FBXL17: variants seen among roughly 807,000 people sequenced by gnomAD.
FBXL17 encodes the protein F-box and leucine rich repeat protein 17.
In FBXL17, 22 loss-of-function variants were observed where a neutral mutation model predicts 66.2. The observed-to-expected ratio is 0.33, with a 90% CI of 0.24 to 0.47. The LOEUF is 0.47. FBXL17 is among the 20% of genes least tolerant of loss of function. The probability of loss-of-function intolerance (pLI) is 1.00; values close to 1 mark genes in which losing one functional copy is unlikely to be tolerated. For missense variants in FBXL17, 878 were observed against 948.2 expected (o/e 0.93, Z 0.97); for synonymous variants, 474 against 400.5 (o/e 1.18, Z -2.19).
chr5:108,089,042 G>A (rs935356168), intron 6 of FBXL17, among the ~76,000 whole-genome samples: 1 of 152,134 alleles, frequency 6.6e-6, no homozygotes, highest in African/African-American at 2.4e-5. Context: ...ATAGTTTTAC[G>A]TAAAATCCCT....
chr5:108,061,437 C>T (rs1188756450), intron 6 of FBXL17, among the ~76,000 whole-genome samples: 1 of 152,102 alleles, frequency 6.6e-6, no homozygotes, highest in Non-Finnish European at 1.5e-5. Context: ...GAGCACAAGG[C>T]TCATTTCCAG....
chr5:107,973,858 AAT>A (rs1256230680), intron 7 of FBXL17, among the ~76,000 whole-genome samples: 1 of 151,930 alleles, frequency 6.6e-6, no homozygotes. Flanking sequence ...AAAAAAAAAA[AAT>A]ACACTTAACT....
Position 108,196,410 on chromosome 5 carries a change from C to T in FBXL17, c.1615-10163G>A, listed in dbSNP as rs148053990. ...AGAGCAGGAGACTCTGCCCTCTGTACACCCACTGATGTTGCTCACTCTTTC... is the reference window on the plus strand; with the variant it reads ...AGAGCAGGAGACTCTGCCCTCTGTATACCCACTGATGTTGCTCACTCTTTC... On this transcript the variant is annotated intron_variant, in intron 5 of 8. Transcript: ENST00000542267. Among the ~76,000 whole-genome samples the T allele has an allele frequency of 5.3e-5, 8 of 152,236 alleles. 1 individual carries two copies. The East Asian group carries it at 1.4e-3, about 26-fold the overall frequency.
At chr5:107,874,115 T>C (rs1045809119) in intron 8 of FBXL17, among the ~76,000 whole-genome samples, 1 of 152,196 alleles carries the variant, frequency 6.6e-6, no homozygotes, top group African/African-American at 2.4e-5. Context: ...GACTGACTTC[T>C]ACCGGTTCCA....
intron 6 of FBXL17, among the ~76,000 whole-genome samples, chr5:108,091,514 G>C (rs1053890815): frequency 7.2e-5 from 11 of 152,048 alleles, no homozygotes; most frequent in African/African-American, 2.7e-4. Flanking sequence ...GTACTTTATT[G>C]CATGTTTCTT....
chr5:108,163,096 A>G (rs566003388), intron 6 of FBXL17, among the ~76,000 whole-genome samples: 40 of 152,338 alleles, frequency 2.6e-4, no homozygotes, highest in African/African-American at 9.1e-4. Flanking sequence ...CAGAGCATAA[A>G]TTTCCTACAT....
intron 7 of FBXL17, among the ~76,000 whole-genome samples, chr5:107,941,393 C>T (rs2112589942): frequency 6.6e-6 from 1 of 152,326 alleles, no homozygotes; most frequent in South Asian, 2.1e-4. Flanking sequence ...TCTGCTGTGA[C>T]AAGTGCAGAA....
chr5:108,294,033 T>A (rs1179803463), intron 4 of FBXL17, among the ~76,000 whole-genome samples: 4 of 114,014 alleles, frequency 3.5e-5, no homozygotes, highest in Non-Finnish European at 5.1e-5. Context: ...AGAGCGAGAC[T>A]CTTGTCTCAC....
chr5:108,112,809 G>T (rs1436314959), intron 6 of FBXL17, among the ~76,000 whole-genome samples: 1 of 118,480 alleles, frequency 8.4e-6, no homozygotes, highest in Non-Finnish European at 2.1e-5. Context: ...ATGCTTCAAG[G>T]TCAAAATATT....
intron 6 of FBXL17, among the ~76,000 whole-genome samples, chr5:108,127,446 C>T (rs1010193407): frequency 4.6e-5 from 7 of 152,184 alleles, no homozygotes; most frequent in African/African-American, 1.7e-4. Flanking sequence ...GTGCTCTTCT[C>T]TTACTCATAT....
At chr5:108,114,904 G>A (rs1056719732) in intron 6 of FBXL17, among the ~76,000 whole-genome samples, 3 of 152,132 alleles carry the variant, frequency 2.0e-5, no homozygotes, top group Non-Finnish European at 4.4e-5. Context: ...TGACAAACAT[G>A]TTGCAGATTT....
At chr5:108,143,292 T>C (rs1751428390) in intron 6 of FBXL17, among the ~76,000 whole-genome samples, 3 of 151,690 alleles carry the variant, frequency 2.0e-5, no homozygotes, top group Admixed American at 6.6e-5. Context: ...ACTAAACACA[T>C]TCTTCAATAA....
intron 4 of FBXL17, among the ~76,000 whole-genome samples, chr5:108,294,032 CTCT>C (rs1408161201): frequency 7.4e-5 from 8 of 107,498 alleles, no homozygotes; most frequent in Non-Finnish European, 1.4e-4. Flanking sequence ...CAGAGCGAGA[CTCT>C]TGTCTCACAA....
chr5:108,248,376 C>T (rs1756201099), intron 4 of FBXL17, among the ~76,000 whole-genome samples: 1 of 151,880 alleles, frequency 6.6e-6, no homozygotes, highest in South Asian at 2.1e-4. Flanking sequence ...GTCAGTGAAC[C>T]TGAAGATAGA....
At chr5:108,218,589 T>C (rs1479570549) in intron 5 of FBXL17, among the ~76,000 whole-genome samples, 1 of 152,188 alleles carries the variant, frequency 6.6e-6, no homozygotes, top group South Asian at 2.1e-4. Context: ...CACCAAAACT[T>C]GTTATCTTTC....
At chr5:108,154,433 A>T (rs1276705636) in intron 6 of FBXL17, among the ~76,000 whole-genome samples, 1 of 151,066 alleles carries the variant, frequency 6.6e-6, no homozygotes, top group African/African-American at 2.4e-5. Flanking sequence ...TCTACTAAAA[A>T]CACAAAATTA....
chr5:108,285,715 T>C lies in FBXL17; in HGVS notation c.1507-61487A>G, dbSNP rs377586036. On this transcript the variant is annotated intron_variant, in intron 4 of 8. Coordinates refer to ENST00000542267, the MANE Select transcript of FBXL17 (RefSeq NM_001163315.3). ...TGAAAACAGTGGGCTTTGTAAACAG[T>C]GGGCTTACAATATTCAGTAAACCAT... 3.0e-4 allele frequency among the ~76,000 whole-genome samples: 45 copies of C among 151,864 alleles called. 1 individual carries two copies. The South Asian group carries it at 9.1e-3, about 31-fold the overall frequency.
At chr5:107,954,477 T>A (rs1240203269) in intron 7 of FBXL17, among the ~76,000 whole-genome samples, 1 of 152,228 alleles carries the variant, frequency 6.6e-6, no homozygotes, top group African/African-American at 2.4e-5. Flanking sequence ...AGGAGCACTG[T>A]TACAGAGTGC....
intron 6 of FBXL17, among the ~76,000 whole-genome samples, chr5:108,120,399 T>C (rs1750439066): frequency 1.3e-5 from 2 of 152,200 alleles, no homozygotes; most frequent in African/African-American, 2.4e-5. Context: ...AAAACCATTT[T>C]AACTGCATGA....
Sources: gnomAD v4.1 joint callset for allele counts (sites outside exome capture counted in the v4.1 genomes callset) on GRCh38, gnomAD v4.1.1 for gene constraint, MANE v1.5 for transcripts, NCBI Gene and HGNC (gene_info 2026-07-23, HGNC 2026-07-21) for gene names.